Variants in MDGA1 observed in about 807,000 individuals in gnomAD.
MDGA1 encodes MAM domain-containing glycosylphosphatidylinositol anchor protein 1.
A neutral mutation model predicts 101.5 loss-of-function variants in MDGA1; 54 were observed. The ratio of observed to expected loss-of-function variants is 0.53; its 90% CI spans 0.43 to 0.67. MDGA1 has a LOEUF of 0.67. Among genes scored for constraint, MDGA1 ranks in the 30% least tolerant of loss-of-function variants. The pLI, the probability that MDGA1 is intolerant of heterozygous loss-of-function variation, is 0.00. For synonymous variants in MDGA1, 533 were observed against 558.3 expected (o/e 0.95, Z 0.64); for missense variants, 1,083 against 1,323.8 (o/e 0.82, Z 2.82).
chr6:37,681,404 G>A (rs1489092348), intron 1 of MDGA1, among the ~76,000 whole-genome samples: 1 of 152,084 alleles, frequency 6.6e-6, no homozygotes, highest in Non-Finnish European at 1.5e-5. Flanking sequence ...ATGACCCAGG[G>A]TGCTGGATGC....
chr6:37,689,929 T>A (rs1042504693), intron 1 of MDGA1, among the ~76,000 whole-genome samples: 2 of 152,188 alleles, frequency 1.3e-5, no homozygotes, highest in African/African-American at 4.8e-5. Flanking sequence ...AGAGGTTCTA[T>A]TAAAAAGGTG....
Position 37,635,396 on chromosome 6 carries a change from G to A in MDGA1, c.*1972C>T. 1 of 398,204 alleles carries A rather than the reference G, an allele frequency of 2.5e-6. No individual in the cohort carries two copies. Among genetic ancestry groups the A allele is most frequent in the Non-Finnish European group, 4.4e-6 (1 of 226,122 alleles). 24.7% of individuals were successfully genotyped at this position (398,204 alleles called of 1,614,324 possible). A position where few individuals can be genotyped will look rare whatever the true frequency, so the allele number is the denominator to read the frequency against. On this transcript the variant is annotated 3_prime_UTR_variant, in exon 17 of 17. Transcript: ENST00000434837. ...TTGGGGCAATGGACTCTGCACAGATGGGACAGTTAAGGAACAATACCCGAC... is the reference window on the plus strand; with the variant it reads ...TTGGGGCAATGGACTCTGCACAGATAGGACAGTTAAGGAACAATACCCGAC...
Position 37,697,102 on chromosome 6 carries a change from G to C in MDGA1, c.-291C>G, listed in dbSNP as rs975504170. On this transcript the variant is annotated 5_prime_UTR_variant, in exon 1 of 17. Coordinates refer to ENST00000434837, the MANE Select transcript of MDGA1 (RefSeq NM_153487.4). ...CCCCGACCCGAGGAGCCCGGCCGCC[G>C]AGCCGCCCCGGGTACCCAGGGCCGT... The C allele has an allele frequency of 1.5e-4, 46 of 297,432 alleles. No homozygotes were observed. Among genetic ancestry groups the C allele is most frequent in the Non-Finnish European group, 2.7e-4 (44 of 163,284 alleles). The allele number at this position is 297,432 out of a possible 1,614,324, so 18.4% of individuals were successfully genotyped here. A position where few individuals can be genotyped will look rare whatever the true frequency, so the allele number is the denominator to read the frequency against.
At position 37,696,774 on chromosome 6, in the gene MDGA1, G is replaced by T; in HGVS notation, c.38C>A (p.Pro13His). 1.3e-6 allele frequency: 2 copies of T among 1,584,520 alleles called. No homozygotes were observed. Among genetic ancestry groups the T allele is most frequent in the East Asian group, 4.6e-5 (2 of 43,298 alleles). Residue 13 changes from proline (P) to histidine (H), a missense_variant, in exon 1 of 17, where the codon CCC becomes CAC. Physicochemically the swap from Pro to His is moderately conservative, Grantham distance 77. Around this residue, in one of 3 missense-constraint regions of MDGA1, gnomAD observed 310 missense variants for 355.9 expected, o/e 0.87. Coordinates refer to ENST00000434837, the MANE Select transcript of MDGA1 (RefSeq NM_153487.4). This position sits in a 1 kb window ranked among gnomAD's most constrained non-coding sequence, Gnocchi z 5.6. ...VTCLLLLALIPFHCRGQGVYA... is the reference protein window; with the variant it reads ...VTCLLLLALIHFHCRGQGVYA... ...GACTCCTTGTCCCCGGCAGTGGAAGGGGATCAGCGCCAGAAGTAGAAGGCA... is the reference window on the plus strand; with the variant it reads ...GACTCCTTGTCCCCGGCAGTGGAAGTGGATCAGCGCCAGAAGTAGAAGGCA...
chr6:37,673,584 G>A (rs551132883), intron 1 of MDGA1, among the ~76,000 whole-genome samples: 10 of 152,304 alleles, frequency 6.6e-5, no homozygotes, highest in African/African-American at 2.4e-4. Context: ...GGCCTCTTGG[G>A]AAAATTAGCC....
chr6:37,663,265 T>C (rs973201772), intron 2 of MDGA1, among the ~76,000 whole-genome samples: 5 of 152,182 alleles, frequency 3.3e-5, no homozygotes, highest in African/African-American at 1.2e-4. Context: ...GGTGACAAAA[T>C]TCATCTGGCA....
chr6:37,681,355 G>C (rs916523891), intron 1 of MDGA1, among the ~76,000 whole-genome samples: 11 of 152,100 alleles, frequency 7.2e-5, no homozygotes, highest in South Asian at 6.2e-4. Context: ...AGGAAGGGTG[G>C]TGGGGGCCAT....
rs765505457 is a variant in MDGA1, at chr6:37,663,989, A to T, written c.185T>A (p.Val62Glu). 8.1e-6 allele frequency: 13 copies of T among 1,613,772 alleles called. No homozygotes were observed. The highest frequency in any genetic ancestry group is 1.1e-5 in the Non-Finnish European group (13 of 1,179,832). The change falls in exon 2 of 17, where the codon GTA (valine) becomes GAA (glutamate). Residue 62 changes from valine to glutamate, a missense_variant. Physicochemically the swap from Val to Glu is moderately radical, Grantham distance 121. This residue lies in a region of MDGA1 where 310 missense variants were observed against 355.9 expected (regional missense o/e 0.87). Transcript: ENST00000434837. ...EGDTLMLQCL[V>E]TGHPRPQVRW... ...TACCTGGGGTCGAGGGTGCCCTGTT[A>T]CAAGGCACTGCAGCATGAGGGTGTC...
rs961983192 is a variant in MDGA1 at position 37,630,896 on chromosome 6, G to A, written c.*6472C>T. Reference sequence around the variant, plus strand: ...CATGACGGTCTCAGAGCAACTCAGAGGACATCCTAGGTGGCAGTTCAGGGC... The same window carrying A: ...CATGACGGTCTCAGAGCAACTCAGAAGACATCCTAGGTGGCAGTTCAGGGC... On this transcript the variant is annotated 3_prime_UTR_variant, in exon 17 of 17. Transcript: ENST00000434837. 3.9e-5 allele frequency: 6 copies of A among 152,136 alleles called. No homozygotes were observed. Among genetic ancestry groups the A allele is most frequent in the Admixed American group, 3.9e-4 (6 of 15,286 alleles). 9.4% of individuals were successfully genotyped at this position (152,136 alleles called of 1,614,324 possible).
intron 1 of MDGA1, among the ~76,000 whole-genome samples, chr6:37,683,440 T>G (rs1408270698): frequency 6.6e-6 from 1 of 152,226 alleles, no homozygotes; most frequent in Non-Finnish European, 1.5e-5. Context: ...TACAGACTGT[T>G]GCTGCCCCAC....
At chr6:37,670,563 T>A (rs572833306) in intron 1 of MDGA1, among the ~76,000 whole-genome samples, 1 of 152,184 alleles carries the variant, frequency 6.6e-6, no homozygotes, top group African/African-American at 2.4e-5. Flanking sequence ...AAGAAACTCA[T>A]GTAAAGTGTT....
At chr6:37,641,489 G>A (rs1764080180) in intron 14 of MDGA1, among the ~76,000 whole-genome samples, 1 of 152,096 alleles carries the variant, frequency 6.6e-6, no homozygotes, top group African/African-American at 2.4e-5. Context: ...TGGGCAAATG[G>A]GCTGAGCACC....
intron 1 of MDGA1, among the ~76,000 whole-genome samples, chr6:37,682,465 CAG>C (rs1188581087): frequency 1.3e-5 from 2 of 152,168 alleles, no homozygotes; most frequent in Non-Finnish European, 2.9e-5. Context: ...GCCTGGGTGA[CAG>C]AGAGAGACTC....
At chr6:37,658,557 A>G in intron 2 of MDGA1, 138 bp from the exon 3 acceptor site, 2 of 822,018 alleles carry the variant, frequency 2.4e-6, no homozygotes, top group Non-Finnish European at 3.8e-6. Context: ...AGGCCTAGGA[A>G]ACGAACCCAG....
In MDGA1 at chr6:37,634,896, A is replaced by C. The variant is rs1763891632; in HGVS notation, c.*2472T>G. The C allele has an allele frequency of 6.6e-6, 1 of 152,220 alleles. No individual in the cohort carries two copies. The highest frequency in any genetic ancestry group is 2.4e-5 in the African/African-American group (1 of 41,436). The allele number at this position is 152,220 out of a possible 1,614,324, so 9.4% of individuals were successfully genotyped here. A position where few individuals can be genotyped will look rare whatever the true frequency, so the allele number is the denominator to read the frequency against. On this transcript the variant is annotated 3_prime_UTR_variant, in exon 17 of 17. Coordinates refer to ENST00000434837, the MANE Select transcript of MDGA1 (RefSeq NM_153487.4). This position sits in a 1 kb window ranked among gnomAD's most constrained non-coding sequence, Gnocchi z 4.7. ...GGATCCTGAGGGGAACAAGGGAGAC[A>C]AGTCTCCCCTGTCGGAGCAGCCAGG...
At chr6:37,689,975 AT>A (rs1163756894) in intron 1 of MDGA1, among the ~76,000 whole-genome samples, 1 of 152,148 alleles carries the variant, frequency 6.6e-6, no homozygotes, top group Non-Finnish European at 1.5e-5. Flanking sequence ...AAACCCTGCC[AT>A]GGTCCCCTAT....
At chr6:37,669,204 A>G (rs1761819860) in intron 1 of MDGA1, among the ~76,000 whole-genome samples, 3 of 152,178 alleles carry the variant, frequency 2.0e-5, no homozygotes, top group Admixed American at 1.3e-4. Flanking sequence ...AATGTTGGAC[A>G]TTTTGATCTG....
intron 1 of MDGA1, among the ~76,000 whole-genome samples, chr6:37,670,247 A>T (rs1761839449): frequency 6.6e-6 from 1 of 152,222 alleles, no homozygotes; most frequent in African/African-American, 2.4e-5. Flanking sequence ...AGCTCCCAAG[A>T]TGATGAAATA....
rs1020091217 is a variant in MDGA1 at position 37,644,918 on chromosome 6, G to A, written c.2249-269C>T. On this transcript the variant is annotated intron_variant, in intron 12 of 16. Coordinates refer to ENST00000434837, the MANE Select transcript of MDGA1 (RefSeq NM_153487.4). ...TGATTTTAGACACATAAAATGAAAT[G>A]TATAGGATTATAAAGAAAATCAATT... Among the ~76,000 whole-genome samples the A allele has an allele frequency of 2.6e-5, 4 of 152,226 alleles. No homozygotes were observed. In the East Asian group the frequency reaches 5.8e-4, roughly 22 times the overall value.
Sources: gnomAD v4.1 joint callset for allele counts (sites outside exome capture counted in the v4.1 genomes callset) on GRCh38, gnomAD v4.1.1 for gene constraint, gnomAD v4.1.1 regional missense constraint, Gnocchi (gnomAD v3.1) non-coding constraint, MANE v1.5 for transcripts, NCBI Gene and HGNC (gene_info 2026-07-23, HGNC 2026-07-21) for gene names.